THSD7B: variants seen among roughly 807,000 people sequenced by gnomAD.
THSD7B encodes the protein thrombospondin type-1 domain-containing protein 7B.
A neutral mutation model predicts 213.6 loss-of-function variants in THSD7B; 138 were observed. The ratio of observed to expected loss-of-function variants is 0.65; its 90% CI spans 0.56 to 0.74. The LOEUF is 0.74. THSD7B is among the 30% of genes least tolerant of loss of function. THSD7B has a pLI of 0.00. For missense variants in THSD7B, 1,931 were observed against 1,991.5 expected (o/e 0.97, Z 0.58); for synonymous variants, 742 against 687.0 (o/e 1.08, Z -1.25).
chr2:136,981,901 A>G (rs992619639), intron 2 of THSD7B, among the ~76,000 whole-genome samples: 95 of 152,302 alleles, frequency 6.2e-4, no homozygotes, highest in African/African-American at 2.3e-3. Context: ...TTTGTTGTCC[A>G]GCACGTGTCC....
chr2:137,054,180 C>T (rs544149472), intron 2 of THSD7B, among the ~76,000 whole-genome samples: 6 of 152,326 alleles, frequency 3.9e-5, no homozygotes, highest in East Asian at 3.9e-4. Flanking sequence ...GTTTTCAACG[C>T]GTGTTCTCTA....
At chr2:137,628,568 G>C (rs1455327640) in intron 20 of THSD7B, among the ~76,000 whole-genome samples, 1 of 151,018 alleles carries the variant, frequency 6.6e-6, no homozygotes, top group African/African-American at 2.4e-5. Flanking sequence ...ATTTGCGTCA[G>C]TGATGTCTTT....
chr2:136,850,917 G>A (rs1002393647), intron 1 of THSD7B, among the ~76,000 whole-genome samples: 6 of 151,886 alleles, frequency 4.0e-5, no homozygotes, highest in Non-Finnish European at 8.8e-5. Context: ...AACTCAGCCA[G>A]GAGTGATAAT....
intron 12 of THSD7B, among the ~76,000 whole-genome samples, chr2:137,318,320 T>C: frequency 6.6e-6 from 1 of 152,172 alleles, no homozygotes; most frequent in East Asian, 1.9e-4. Context: ...CACAGGATGA[T>C]GGGAACTTTC....
chr2:137,376,688 A>T (rs1297556038), intron 12 of THSD7B, among the ~76,000 whole-genome samples: 2 of 152,240 alleles, frequency 1.3e-5, no homozygotes, highest in Non-Finnish European at 2.9e-5. Context: ...AGCTTCTAGC[A>T]TATTGCGTAG....
intron 12 of THSD7B, among the ~76,000 whole-genome samples, chr2:137,366,155 A>G (rs1350537885): frequency 6.6e-6 from 1 of 152,040 alleles, no homozygotes; most frequent in Non-Finnish European, 1.5e-5. Flanking sequence ...AAACCCAAAC[A>G]CCACATGTTC....
intron 12 of THSD7B, among the ~76,000 whole-genome samples, chr2:137,286,719 G>T (rs774137943): frequency 6.6e-6 from 1 of 151,516 alleles, no homozygotes; most frequent in African/African-American, 2.4e-5. Context: ...GGAGGAGAAA[G>T]GTTTTCTGGG....
chr2:137,001,011 C>G (rs1465903536), intron 2 of THSD7B, among the ~76,000 whole-genome samples: 2 of 152,064 alleles, frequency 1.3e-5, no homozygotes, highest in African/African-American at 4.8e-5. Context: ...GGTAGCAATA[C>G]TATGTTTACA....
intron 12 of THSD7B, among the ~76,000 whole-genome samples, chr2:137,283,446 G>A (rs1307761220): frequency 2.0e-5 from 3 of 152,028 alleles, no homozygotes; most frequent in African/African-American, 7.2e-5. Context: ...TTGAATAGGA[G>A]TGGTGAGAGA....
chr2:137,171,086 T>C (rs1247790413), intron 7 of THSD7B, 148 bp downstream of exon 7: 10 of 906,364 alleles, frequency 1.1e-5, no homozygotes, highest in Non-Finnish European at 1.7e-5. Flanking sequence ...AGTGACACAT[T>C]GCTGCAAAGT....
At chr2:137,655,720 C>G (rs1234617371) in intron 22 of THSD7B, 60 bp downstream of exon 22, 47 of 1,532,826 alleles carry the variant, frequency 3.1e-5, no homozygotes, top group Non-Finnish European at 4.1e-5. Flanking sequence ...TATTTTACTA[C>G]TGTTTTCCTA....
At chr2:136,979,188 A>G (rs1168084395) in intron 2 of THSD7B, among the ~76,000 whole-genome samples, 1 of 151,696 alleles carries the variant, frequency 6.6e-6, no homozygotes, top group Non-Finnish European at 1.5e-5. Context: ...TTCCCTTTGT[A>G]GGTGACCTGA....
chr2:137,562,411 G>C (rs906642640), intron 15 of THSD7B, among the ~76,000 whole-genome samples: 1 of 151,896 alleles, frequency 6.6e-6, no homozygotes, highest in Admixed American at 6.6e-5. Context: ...GCCACAAAGA[G>C]GTAGACAAAC....
intron 7 of THSD7B, among the ~76,000 whole-genome samples, chr2:137,221,443 A>G (rs1681369939): frequency 6.6e-6 from 1 of 152,216 alleles, no homozygotes; most frequent in South Asian, 2.1e-4. Context: ...GCCAGAACCC[A>G]TAGAACTATA....
chr2:136,912,344 A>T (rs1302642013), intron 2 of THSD7B, among the ~76,000 whole-genome samples: 2 of 151,070 alleles, frequency 1.3e-5, no homozygotes, highest in African/African-American at 2.4e-5. Context: ...AAAAAAAAAA[A>T]AAAAGGAGAG....
intron 21 of THSD7B, among the ~76,000 whole-genome samples, chr2:137,652,855 C>G (rs1250259137): frequency 1.3e-5 from 2 of 152,036 alleles, no homozygotes; most frequent in Admixed American, 6.6e-5. Flanking sequence ...TCACTTTGCC[C>G]CCGACATTTT....
intron 5 of THSD7B, among the ~76,000 whole-genome samples, chr2:137,121,193 T>G (rs1688540047): frequency 1.3e-5 from 2 of 152,148 alleles, no homozygotes; most frequent in South Asian, 4.1e-4. Context: ...AGACTGTTCT[T>G]GTTATTAAAA....
intron 2 of THSD7B, among the ~76,000 whole-genome samples, chr2:137,034,339 C>T (rs1016586177): frequency 5.3e-5 from 8 of 152,008 alleles, no homozygotes; most frequent in South Asian, 4.2e-4. Context: ...CTCTTGACCT[C>T]GTGATCTGCC....
At chr2:137,237,990 G>A (rs548717501) in intron 9 of THSD7B, among the ~76,000 whole-genome samples, 19 of 152,248 alleles carry the variant, frequency 1.2e-4, no homozygotes, top group African/African-American at 4.6e-4. Context: ...GCCCTTGAGG[G>A]AATGATACTC....
Sources: allele counts gnomAD v4.1 joint callset (sites outside exome capture counted in the v4.1 genomes callset), GRCh38; gene constraint gnomAD v4.1.1; transcripts MANE v1.5; gene names NCBI Gene and HGNC (gene_info 2026-07-23, HGNC 2026-07-21).